Variants in GALNT13 observed in about 807,000 individuals in gnomAD.
The protein encoded by GALNT13 is UDP-GalNAc:polypeptide N-acetylgalactosaminyltransferase 13.
In GALNT13, 28 loss-of-function variants were observed where a neutral mutation model predicts 64.2. The ratio of observed to expected loss-of-function variants is 0.44; its 90% CI spans 0.32 to 0.60. GALNT13 has a LOEUF of 0.60. Among genes scored for constraint, GALNT13 ranks in the 20% least tolerant of loss-of-function variants. The pLI, the probability that GALNT13 is intolerant of heterozygous loss-of-function variation, is 0.05. For synonymous variants in GALNT13, 214 were observed against 224.6 expected, an observed-to-expected ratio of 0.95 and a Z score of 0.42; for missense variants, 577 against 669.8, an observed-to-expected ratio of 0.86 and a Z score of 1.53.
chr2:153,736,384 A>G, the GALNT13 span, among the ~76,000 whole-genome samples: 1 of 152,114 alleles, frequency 6.6e-6, no homozygotes, highest in Non-Finnish European at 1.5e-5. Context: ...TTGCAAGTTC[A>G]CCTGTGGTTT....
At chr2:154,278,972 T>C (rs539604461) in intron 8 of GALNT13, among the ~76,000 whole-genome samples, 1 of 152,182 alleles carries the variant, frequency 6.6e-6, no homozygotes, top group African/African-American at 2.4e-5. Context: ...AGGTAAAATA[T>C]CTAAAAATGA....
chr2:154,035,097 A>G (rs1457010644), intron 3 of GALNT13, among the ~76,000 whole-genome samples: 1 of 152,132 alleles, frequency 6.6e-6, no homozygotes, highest in African/African-American at 2.4e-5. Context: ...CACTATTCAC[A>G]ATAGTAAAGA....
At chr2:153,281,658 T>C in the GALNT13 span, among the ~76,000 whole-genome samples, 8 of 152,154 alleles carry the variant, frequency 5.3e-5, no homozygotes. Flanking sequence ...AAGCTTAATC[T>C]AGTGAGATAT....
chr2:153,427,661 A>T, the GALNT13 span, among the ~76,000 whole-genome samples: 15 of 152,296 alleles, frequency 9.8e-5, 1 homozygote, highest in Middle Eastern at 6.8e-3. Flanking sequence ...ACTCTATTTG[A>T]CATATTGTTT....
chr2:153,386,311 G>A, the GALNT13 span, among the ~76,000 whole-genome samples: 1 of 152,016 alleles, frequency 6.6e-6, no homozygotes, highest in Admixed American at 6.6e-5. Flanking sequence ...ACATTAAAAG[G>A]AATGAGCAAT....
chr2:153,251,559 C>A, the GALNT13 span, among the ~76,000 whole-genome samples: 1 of 151,818 alleles, frequency 6.6e-6, no homozygotes, highest in Non-Finnish European at 1.5e-5. Context: ...CATGCTGGTG[C>A]GCTGCACCCA....
At chr2:153,269,184 A>T in the GALNT13 span, among the ~76,000 whole-genome samples, 151 of 147,794 alleles carry the variant, frequency 1.0e-3, no homozygotes, top group Middle Eastern at 3.5e-3. Context: ...TACTTTTTTA[A>T]AAAAAATAAA....
chr2:154,274,384 G>T (rs1388579191), intron 8 of GALNT13, among the ~76,000 whole-genome samples: 1 of 152,136 alleles, frequency 6.6e-6, no homozygotes, highest in Non-Finnish European at 1.5e-5. Flanking sequence ...CTGGAAATCT[G>T]TGTACTCTCA....
chr2:153,578,511 T>A, the GALNT13 span, among the ~76,000 whole-genome samples: 1 of 152,122 alleles, frequency 6.6e-6, no homozygotes, highest in East Asian at 1.9e-4. Context: ...GAAACTAATG[T>A]GTATGAAGGC....
At chr2:154,269,811 T>C (rs1447157945) in intron 8 of GALNT13, among the ~76,000 whole-genome samples, 1 of 149,544 alleles carries the variant, frequency 6.7e-6, no homozygotes, top group Non-Finnish European at 1.5e-5. Flanking sequence ...AAGAAGGGCT[T>C]TTTAAATTTA....
chr2:153,094,782 T>C, the GALNT13 span, among the ~76,000 whole-genome samples: 35 of 152,230 alleles, frequency 2.3e-4, no homozygotes, highest in Middle Eastern at 3.4e-3. Context: ...AAACAAGAAA[T>C]GGGGAAAGGA....
chr2:153,779,335 GC>G, the GALNT13 span, among the ~76,000 whole-genome samples: 1 of 152,106 alleles, frequency 6.6e-6, no homozygotes, highest in Non-Finnish European at 1.5e-5. Flanking sequence ...TAAAAGCAGA[GC>G]CAATGGCACT....
the GALNT13 span, among the ~76,000 whole-genome samples, chr2:153,731,647 C>G: frequency 6.6e-6 from 1 of 152,040 alleles, no homozygotes; most frequent in East Asian, 1.9e-4. Flanking sequence ...TTGTAGGAGG[C>G]ATTGGTTGAT....
the GALNT13 span, among the ~76,000 whole-genome samples, chr2:153,413,565 T>C: frequency 6.6e-6 from 1 of 152,236 alleles, no homozygotes; most frequent in African/African-American, 2.4e-5. Flanking sequence ...TTTTGTTGTT[T>C]TTAGGAATGA....
the GALNT13 span, among the ~76,000 whole-genome samples, chr2:153,632,912 C>T: frequency 6.6e-6 from 1 of 152,026 alleles, no homozygotes; most frequent in South Asian, 2.1e-4. Context: ...ACCAATACGC[C>T]CAGCTAATTT....
intron 3 of GALNT13, among the ~76,000 whole-genome samples, chr2:154,020,879 A>G (rs1233784786): frequency 6.6e-6 from 1 of 152,068 alleles, no homozygotes; most frequent in East Asian, 1.9e-4. Context: ...ATTTTTGTAT[A>G]AGGTGTAAGG....
chr2:153,976,738 A>G (rs1694101994), intron 3 of GALNT13, among the ~76,000 whole-genome samples: 2 of 152,146 alleles, frequency 1.3e-5, no homozygotes, highest in African/African-American at 2.4e-5. Context: ...TAAGTAACAT[A>G]GTAAATACAT....
chr2:153,216,685 A>G, the GALNT13 span, among the ~76,000 whole-genome samples: 1 of 152,056 alleles, frequency 6.6e-6, no homozygotes, highest in Non-Finnish European at 1.5e-5. Flanking sequence ...AGTTCTTTAC[A>G]TATTCTAGAT....
intron 12 of GALNT13, chr2:154,441,805 C>T (rs556664278): frequency 6.6e-6 from 1 of 152,196 alleles, no homozygotes; most frequent in South Asian, 2.1e-4. Context: ...GTTTTGTTTA[C>T]TTCTTAGGTG....
Sources: gnomAD v4.1 joint callset for allele counts (sites outside exome capture counted in the v4.1 genomes callset) on GRCh38, gnomAD v4.1.1 for gene constraint, MANE v1.5 for transcripts, NCBI Gene and HGNC (gene_info 2026-07-23, HGNC 2026-07-21) for gene names.